The following GCDH variants were observed in gnomAD, a reference collection of about 807,000 sequenced individuals.
GCDH encodes glutaryl-CoA dehydrogenase, mitochondrial.
Under a neutral mutation model 52.8 loss-of-function variants are expected in GCDH, and 31 were observed. The observed-to-expected ratio is 0.59, with a 90% confidence interval of 0.44 to 0.79. The LOEUF (loss-of-function observed/expected upper bound fraction) is 0.79, where lower values mean the gene tolerates loss of function less well. GCDH is among the 30% of genes least tolerant of loss of function. The pLI is 0.00. For missense variants in GCDH, 509 were observed against 595.0 expected (o/e 0.86, Z 1.50); for synonymous variants, 242 against 250.0 (o/e 0.97, Z 0.30).
intron 6 of GCDH, chr19:12,894,420 A>C (rs190069705): frequency 1.1e-5 from 8 of 751,618 alleles, no homozygotes; most frequent in Non-Finnish European, 1.7e-5. Flanking sequence ...AGAGAAGATC[A>C]GTTCATGGTT....
intron 9 of GCDH, 43 bp from the exon 10 acceptor site, chr19:12,897,260 G>C: frequency 6.2e-7 from 1 of 1,612,382 alleles, no homozygotes; most frequent in East Asian, 2.2e-5. Flanking sequence ...CGGGGTGGGA[G>C]AGTGGGCCTC....
chr19:12,895,068 C>T (rs1970644057), intron 6 of GCDH, among the ~76,000 whole-genome samples: 1 of 152,070 alleles, frequency 6.6e-6, no homozygotes, highest in Admixed American at 6.6e-5. Context: ...GTTCCCTCTC[C>T]CAGCACTGCT....
At chr19:12,892,448 T>A (rs1272024105) in intron 5 of GCDH, 1 of 545,642 alleles carries the variant, frequency 1.8e-6, no homozygotes, top group Non-Finnish European at 3.3e-6. Flanking sequence ...TGTGCCACCA[T>A]GCCTGGCTAA....
chr19:12,897,169 C>T (rs956398569), intron 9 of GCDH, 134 bp from the exon 10 acceptor site: 1 of 1,293,792 alleles, frequency 7.7e-7, no homozygotes, highest in African/African-American at 1.5e-5. Flanking sequence ...TGGGCTGAGT[C>T]AACGGCAGGG....
At chr19:12,898,537 G>A (rs1036996434) in intron 11 of GCDH, among the ~76,000 whole-genome samples, 3 of 151,246 alleles carry the variant, frequency 2.0e-5, no homozygotes, top group Non-Finnish European at 4.4e-5. Context: ...GGGGGGTGGG[G>A]GGATCCTACA....
At chr19:12,892,362 G>A (rs1019262093) in intron 5 of GCDH, 184 bp downstream of exon 5, 4 of 645,938 alleles carry the variant, frequency 6.2e-6, no homozygotes, top group Non-Finnish European at 8.2e-6. Flanking sequence ...CACGATCTTG[G>A]CTCACTGCAA....
At position 12,891,296 on chromosome 19, in the gene GCDH, T is replaced by C; in HGVS notation, c.-9T>C. ...GTCGCCGTCGTTGCTCCGCTCGCTCTGAGAGAGCATGGCCCTGAGAGGCGT... is the reference window on the plus strand; with the variant it reads ...GTCGCCGTCGTTGCTCCGCTCGCTCCGAGAGAGCATGGCCCTGAGAGGCGT... On this transcript the variant is annotated 5_prime_UTR_variant, in exon 2 of 12. Transcript: ENST00000222214. The C allele has an allele frequency of 6.2e-7, 1 of 1,603,268 alleles. No individual in the cohort carries two copies.
Position 12,896,949 on chromosome 19 carries a change from G to A in GCDH, c.892G>A (p.Ala298Thr), listed in dbSNP as rs761765983. Residue 298 changes from alanine (A) to threonine (T), a missense_variant, in exon 9 of 12, where the codon GCG becomes ACG. Ala to Thr is a moderately conservative substitution (Grantham distance 58). Transcript: ENST00000222214. The surrounding 1 kb of genome is among the most constrained non-coding windows in gnomAD (Gnocchi z 5.5). ...CCTGAACAACGCCCGGTACGGCATC[G>A]CGTGGGGCGTGCTTGGAGCTTCGGA... ...GCLNNARYGIAWGVLGASEFC... is the reference protein window; with the variant it reads ...GCLNNARYGITWGVLGASEFC... 14 of 1,612,986 alleles carry A rather than the reference G, an allele frequency of 8.7e-6. No individual in the cohort carries two copies. The East Asian group carries it at 8.9e-5, about 10-fold the overall frequency.
intron 10 of GCDH, 82 bp from the exon 11 acceptor site, chr19:12,897,621 A>G: frequency 1.3e-6 from 2 of 1,557,150 alleles, no homozygotes; most frequent in South Asian, 1.1e-5. Context: ...GCATCAGGGA[A>G]TCCCCACCCC....
intron 6 of GCDH, chr19:12,894,726 A>G (rs1599612125): frequency 8.5e-6 from 7 of 819,662 alleles, no homozygotes; most frequent in Admixed American, 5.3e-5. Flanking sequence ...AAGCAGCCGC[A>G]TATTAAGAAA....
At position 12,896,939 on chromosome 19, in the gene GCDH, G is replaced by A. The variant is rs2145952773; in HGVS notation, c.882G>A (p.Arg294=). 6.2e-7 allele frequency: 1 copy of A among 1,613,272 alleles called. No individual in the cohort carries two copies. The highest frequency in any genetic ancestry group is 8.5e-7 in the Non-Finnish European group (1 of 1,179,936). Residue 294 remains arginine (R), a synonymous_variant, in exon 9 of 12, where the codon CGG becomes CGA. Transcript: ENST00000222214. This position sits in a 1 kb window ranked among gnomAD's most constrained non-coding sequence, Gnocchi z 5.5. ...GGPFGCLNNA[R]YGIAWGVLGA... ...CCTTCGGCTGCCTGAACAACGCCCGGTACGGCATCGCGTGGGGCGTGCTTG... is the reference window on the plus strand; with the variant it reads ...CCTTCGGCTGCCTGAACAACGCCCGATACGGCATCGCGTGGGGCGTGCTTG...
Position 12,892,010 on chromosome 19 carries a change from C to G in GCDH, c.271+36C>G, listed in dbSNP as rs537973299. 5.0e-6 allele frequency: 8 copies of G among 1,613,956 alleles called. No homozygotes were observed. In the South Asian group the frequency reaches 8.8e-5, roughly 18 times the overall value. ...TGGTGGGTGCCCTGAGACTGCTCCTCCGCCTGGAGCCATAGCCACCCCACC... is the reference window on the plus strand; with the variant it reads ...TGGTGGGTGCCCTGAGACTGCTCCTGCGCCTGGAGCCATAGCCACCCCACC... On this transcript the variant is annotated intron_variant, in intron 4 of 11. Transcript: ENST00000222214.
chr19:12,891,329 C>T lies in GCDH; in HGVS notation c.25C>T (p.Arg9Trp), dbSNP rs565172048. Reference protein sequence around the residue: MALRGVSVRLLSRGPGLHV... With the variant: MALRGVSVWLLSRGPGLHV... ...CATGGCCCTGAGAGGCGTCTCCGTG[C>T]GGCTGCTGAGCCGCGGACCCGGCCT... The change falls in exon 2 of 12, where the codon CGG becomes TGG. Residue 9 changes from arginine (R) to tryptophan (W), a missense_variant. By Grantham distance (101) the Arg-to-Trp change is moderately radical. Transcript: ENST00000222214. 1.2e-6 allele frequency: 2 copies of T among 1,610,840 alleles called. No individual in the cohort carries two copies. Among genetic ancestry groups the T allele is most frequent in the East Asian group, 2.2e-5 (1 of 44,880 alleles).
At chr19:12,892,012 G>A (rs771646583) in intron 4 of GCDH, 38 bp downstream of exon 4, 57 of 1,613,756 alleles carry the variant, frequency 3.5e-5, no homozygotes, top group Non-Finnish European at 4.8e-5. Context: ...CTGCTCCTCC[G>A]CCTGGAGCCA....
Position 12,899,493 on chromosome 19 carries a change from C to T in GCDH, c.1269C>T (p.Ile423=), listed in dbSNP as rs1336423127. The T allele has an allele frequency of 1.2e-6, 2 of 1,614,064 alleles. No individual in the cohort carries two copies. The highest frequency in any genetic ancestry group is 1.7e-6 in the Non-Finnish European group (2 of 1,180,038). The change falls in exon 12 of 12, where the codon ATC becomes ATT. Residue 423 remains isoleucine, a synonymous_variant. Coordinates refer to ENST00000222214, the MANE Select transcript of GCDH (RefSeq NM_000159.4). ...YEGTHDIHAL[I]LGRAITGIQA... ...GTACACATGACATTCACGCCCTGAT[C>T]CTTGGGAGAGCTATCACGGGAATCC...
Position 12,896,845 on chromosome 19 carries a change from T to G in GCDH, c.853-65T>G, listed in dbSNP as rs1190474056. 2.7e-6 allele frequency: 3 copies of G among 1,122,252 alleles called. No individual in the cohort carries two copies. The African/African-American group carries it at 4.6e-5, about 17-fold the overall frequency. The allele number at this position is 1,122,252 out of a possible 1,614,324, so 69.5% of individuals were successfully genotyped here. ...GGAGGAGGCTTTCCCTGCTTCAGAG[T>G]TGGTTCTGCATAGGCCCTCTTGGTG... On this transcript the variant is annotated intron_variant, in intron 8 of 11. Coordinates refer to ENST00000222214, the MANE Select transcript of GCDH (RefSeq NM_000159.4). The surrounding 1 kb of genome is among the most constrained non-coding windows in gnomAD (Gnocchi z 5.5).
rs1970609539 is a variant in GCDH at position 12,893,640 on chromosome 19, C to T, written c.492C>T (p.Tyr164=). 3.7e-6 allele frequency: 6 copies of T among 1,613,940 alleles called. No homozygotes were observed. Among genetic ancestry groups the T allele is most frequent in the Non-Finnish European group, 5.1e-6 (6 of 1,179,886 alleles). The part of the protein sequence containing the change: ...AYGSEEQRQK[Y]LPQLAKGELL... ...GCAGCGAGGAACAGCGGCAGAAGTA[C>T]CTGCCCCAGCTGGGTGAGTGGCTGC... The change falls in exon 6 of 12, where the codon TAC becomes TAT. Residue 164 remains tyrosine, a synonymous_variant. Coordinates refer to ENST00000222214, the MANE Select transcript of GCDH (RefSeq NM_000159.4).
intron 11 of GCDH, among the ~76,000 whole-genome samples, chr19:12,898,581 C>T (rs1046179857): frequency 1.3e-5 from 2 of 150,964 alleles, no homozygotes; most frequent in Non-Finnish European, 2.9e-5. Flanking sequence ...AAGCAGCGGG[C>T]GCCATGAGAT....
chr19:12,895,762 C>T (rs919945894), intron 6 of GCDH, among the ~76,000 whole-genome samples: 7 of 149,042 alleles, frequency 4.7e-5, no homozygotes, highest in Non-Finnish European at 3.0e-5. Flanking sequence ...CAGGCACCCA[C>T]CACCACATCT....
Sources: allele counts gnomAD v4.1 joint callset (sites outside exome capture counted in the v4.1 genomes callset), GRCh38; gene constraint gnomAD v4.1.1; non-coding constraint Gnocchi (gnomAD v3.1); transcripts MANE v1.5; gene names NCBI Gene and HGNC (gene_info 2026-07-23, HGNC 2026-07-21).